HOPX: variants seen among roughly 807,000 people sequenced by gnomAD.
The protein encoded by HOPX is homeodomain-only protein.
Under a neutral mutation model 11.8 loss-of-function variants are expected in HOPX, and 5 were observed. The ratio of observed to expected loss-of-function variants is 0.43; its 90% CI spans 0.22 to 0.89. The LOEUF is 0.89. Ranked by LOEUF, HOPX falls within the 40% of genes least tolerant of loss-of-function variation. The pLI, the probability that HOPX is intolerant of heterozygous loss-of-function variation, is 0.28. For missense variants in HOPX, 119 were observed against 120.0 expected (o/e 0.99, Z 0.04); for synonymous variants, 49 against 49.7 (o/e 0.99, Z 0.06).
At chr4:56,681,202 C>A in intron 1 of HOPX, 53 bp downstream of exon 1, 1 of 979,878 alleles carries the variant, frequency 1.0e-6, no homozygotes, top group South Asian at 4.7e-5. Flanking sequence ...TGGTCTAGTT[C>A]CTGCACAAAC....
intron 3 of HOPX, chr4:56,650,422 T>C (rs1422692811): frequency 1.7e-5 from 7 of 404,192 alleles, no homozygotes; most frequent in African/African-American, 1.2e-4. Context: ...ATGAACAGGA[T>C]GGGCTCTAGG....
At chr4:56,668,354 G>C (rs1459776374) in intron 1 of HOPX, among the ~76,000 whole-genome samples, 2 of 152,210 alleles carry the variant, frequency 1.3e-5, no homozygotes, top group Non-Finnish European at 2.9e-5. Flanking sequence ...GAACAATAAA[G>C]AAAAAGCAGG....
At chr4:56,651,135 C>T (rs1717129273) in intron 3 of HOPX, 1 of 215,174 alleles carries the variant, frequency 4.6e-6, no homozygotes. Context: ...GAGCTGGTCT[C>T]ATTTAAAAGA....
Position 56,657,890 on chromosome 4 carries a change from T to C in HOPX, c.-74A>G. On this transcript the variant is annotated 5_prime_UTR_variant, in exon 2 of 4. Coordinates refer to ENST00000420433, the MANE Select transcript of HOPX (RefSeq NM_032495.6). ...CTAGACCCTTCTCAGTGGGGCAGTC[T>C]GTCATTAGTCTGGTAGGAAAAATCA... 1 of 1,551,146 alleles carries C rather than the reference T, an allele frequency of 6.4e-7. No homozygotes were observed.
chr4:56,657,941 A>G (rs1717870038), intron 1 of HOPX, 42 bp from the exon 2 acceptor site: 4 of 1,534,152 alleles, frequency 2.6e-6, no homozygotes, highest in Non-Finnish European at 3.5e-6. Context: ...TAATGCAGGC[A>G]GGAGCTCATT....
intron 3 of HOPX, chr4:56,649,717 T>TAA (rs1161581021): frequency 6.6e-6 from 1 of 152,274 alleles, no homozygotes; most frequent in Non-Finnish European, 1.5e-5. Context: ...CTATATGTTG[T>TAA]AAGGCAGTGT....
intron 1 of HOPX, among the ~76,000 whole-genome samples, chr4:56,669,803 G>GAATA (rs1718640199): frequency 1.3e-5 from 2 of 152,114 alleles, no homozygotes. Flanking sequence ...CTTAGGTAGA[G>GAATA]AATAGTAAAA....
rs559087080 is a variant in HOPX, at chr4:56,671,658, G to T, written c.-84+9597C>A. Among the ~76,000 whole-genome samples the T allele has an allele frequency of 2.0e-5, 3 of 151,982 alleles. No homozygotes were observed. In the South Asian group the frequency reaches 6.2e-4, roughly 31 times the overall value. On this transcript the variant is annotated intron_variant, in intron 1 of 3. Coordinates refer to ENST00000420433, the MANE Select transcript of HOPX (RefSeq NM_032495.6). The stretch of plus-strand genomic sequence containing the variant: ...GTTCAGCTAATAGGACAAACAGAGG[G>T]TGTGCAGCTTTAGCCAGCTCATTAA...
chr4:56,667,360 C>G (rs1471145936), intron 1 of HOPX, among the ~76,000 whole-genome samples: 1 of 152,088 alleles, frequency 6.6e-6, no homozygotes, highest in Non-Finnish European at 1.5e-5. Flanking sequence ...CAAATCTAGC[C>G]TCTTCTCTAT....
At chr4:56,652,890 T>C (rs1002668800) in intron 3 of HOPX, among the ~76,000 whole-genome samples, 2 of 152,154 alleles carry the variant, frequency 1.3e-5, no homozygotes, top group Non-Finnish European at 1.5e-5. Context: ...ATTACTTATA[T>C]GTAGGCCCAG....
At chr4:56,651,871 A>AGT (rs1223955133) in intron 3 of HOPX, among the ~76,000 whole-genome samples, 72 of 109,600 alleles carry the variant, frequency 6.6e-4, no homozygotes, top group East Asian at 1.8e-3. Flanking sequence ...AGAGAGAGAG[A>AGT]GAGTGTGTGT....
chr4:56,678,307 A>G (rs1476960473), intron 1 of HOPX, among the ~76,000 whole-genome samples: 1 of 151,328 alleles, frequency 6.6e-6, no homozygotes, highest in Non-Finnish European at 1.5e-5. Context: ...TGTCAAGTGA[A>G]TGGTTTTGAT....
intron 3 of HOPX, among the ~76,000 whole-genome samples, chr4:56,655,380 G>A (rs1717585958): frequency 6.6e-6 from 1 of 152,152 alleles, no homozygotes; most frequent in African/African-American, 2.4e-5. Context: ...TCGCCAAACC[G>A]GAGGACTGAA....
intron 1 of HOPX, among the ~76,000 whole-genome samples, chr4:56,668,078 C>T (rs1256429810): frequency 6.6e-6 from 1 of 152,144 alleles, no homozygotes; most frequent in African/African-American, 2.4e-5. Flanking sequence ...GCGCCCACCA[C>T]CATACCCAGC....
chr4:56,650,079 T>G (rs1717014975), intron 3 of HOPX: 1 of 154,292 alleles, frequency 6.5e-6, no homozygotes, highest in Non-Finnish European at 1.5e-5. Flanking sequence ...GCAGGCTGTG[T>G]GGTAGGTGAC....
chr4:56,660,010 A>G (rs1489059813), intron 1 of HOPX, among the ~76,000 whole-genome samples: 1 of 152,260 alleles, frequency 6.6e-6, no homozygotes, highest in East Asian at 1.9e-4. Flanking sequence ...TCAAAAGTTC[A>G]GAAATGAAAT....
chr4:56,681,075 G>A, intron 1 of HOPX, 180 bp downstream of exon 1: 2 of 984,850 alleles, frequency 2.0e-6, no homozygotes, highest in Non-Finnish European at 2.4e-6. Flanking sequence ...AGGGACTGAT[G>A]TCTTACACCC....
intron 1 of HOPX, among the ~76,000 whole-genome samples, chr4:56,659,744 A>C (rs1181628837): frequency 6.6e-6 from 1 of 152,214 alleles, no homozygotes; most frequent in Admixed American, 6.5e-5. Flanking sequence ...AGCTCTTAAA[A>C]AGATTTGCAA....
At chr4:56,681,473 G>T (rs970002887), upstream of HOPX, 1 of 993,928 alleles carries the variant, frequency 1.0e-6, no homozygotes. Flanking sequence ...GGTTATTCAG[G>T]TTTGATGTTC....
Sources: gnomAD v4.1 joint callset for allele counts (sites outside exome capture counted in the v4.1 genomes callset) on GRCh38, gnomAD v4.1.1 for gene constraint, MANE v1.5 for transcripts, NCBI Gene and HGNC (gene_info 2026-07-23, HGNC 2026-07-21) for gene names.